FAR2: variants seen among roughly 807,000 people sequenced by gnomAD.
The protein encoded by FAR2 is fatty acyl-CoA reductase 2, also known as epididymis secretory protein Li 81.
Under a neutral mutation model 56.0 loss-of-function variants are expected in FAR2, and 19 were observed. That is an observed-to-expected ratio of 0.34 (90% confidence interval 0.24 to 0.50). The LOEUF is 0.50. Among genes scored for constraint, FAR2 ranks in the 20% least tolerant of loss-of-function variants. The probability of loss-of-function intolerance (pLI) is 0.98; values close to 1 mark genes in which losing one functional copy is unlikely to be tolerated. For synonymous variants in FAR2, 219 were observed against 218.8 expected (o/e 1.00, Z -0.01); for missense variants, 508 against 642.2 (o/e 0.79, Z 2.26).
chr12:29,200,562 G>GA (rs1244517128), intron 1 of FAR2, among the ~76,000 whole-genome samples: 1 of 152,158 alleles, frequency 6.6e-6, no homozygotes, highest in Non-Finnish European at 1.5e-5. Context: ...AGGCTGGTGG[G>GA]AAAAATATTA....
At chr12:29,210,549 C>A (rs1947533014) in intron 1 of FAR2, among the ~76,000 whole-genome samples, 1 of 152,192 alleles carries the variant, frequency 6.6e-6, no homozygotes, top group African/African-American at 2.4e-5. Context: ...GAGATTCTGG[C>A]AATAAGAATA....
intron 1 of FAR2, among the ~76,000 whole-genome samples, chr12:29,165,736 C>A (rs1340181604): frequency 6.6e-6 from 1 of 151,992 alleles, no homozygotes; most frequent in East Asian, 1.9e-4. Context: ...GCAGTTGTAC[C>A]AAATAGGTAA....
chr12:29,304,141 T>C (rs765623829), intron 4 of FAR2, among the ~76,000 whole-genome samples: 8 of 152,212 alleles, frequency 5.3e-5, no homozygotes, highest in Non-Finnish European at 1.0e-4. Context: ...CTTCCTGCTC[T>C]AAAAGATAAC....
chr12:29,228,638 A>C (rs1947806051), intron 1 of FAR2, among the ~76,000 whole-genome samples: 1 of 152,120 alleles, frequency 6.6e-6, no homozygotes, highest in Non-Finnish European at 1.5e-5. Context: ...GCCAGGTTGC[A>C]GTGCAGTGGC....
At chr12:29,211,383 G>A (rs1291010341) in intron 1 of FAR2, among the ~76,000 whole-genome samples, 1 of 152,166 alleles carries the variant, frequency 6.6e-6, no homozygotes, top group African/African-American at 2.4e-5. Context: ...CTCTTTCTAA[G>A]ACTTTAAAGA....
chr12:29,316,203 G>C (rs1427522853), intron 8 of FAR2, among the ~76,000 whole-genome samples: 1 of 151,528 alleles, frequency 6.6e-6, no homozygotes, highest in African/African-American at 2.4e-5. Context: ...AATATCTTTT[G>C]GAAACAACTA....
chr12:29,220,764 G>A (rs546536557), intron 1 of FAR2, among the ~76,000 whole-genome samples: 2 of 152,206 alleles, frequency 1.3e-5, no homozygotes, highest in South Asian at 4.1e-4. Flanking sequence ...AGGGACAAAA[G>A]GCACAGTGAG....
chr12:29,174,353 GA>G (rs1949915664), intron 1 of FAR2, among the ~76,000 whole-genome samples: 1 of 151,522 alleles, frequency 6.6e-6, no homozygotes, highest in African/African-American at 2.4e-5. Context: ...TGGAGTCCTG[GA>G]GTTTATACTA....
Position 29,270,579 on chromosome 12 carries a change from G to T in FAR2, c.130G>T (p.Val44Leu). 1.2e-6 allele frequency: 2 copies of T among 1,614,108 alleles called. No individual in the cohort carries two copies. The highest frequency in any genetic ancestry group is 1.3e-5 in the African/African-American group (1 of 75,048). ...SPDLKVIYIL[V>L]RPKAGQTLQQ... ...AGACCTGAAAGTCATTTACATCCTT[G>T]TGAGGCCCAAGGCTGGCCAGACACT... is the stretch of plus-strand genomic sequence containing the variant. The change falls in exon 2 of 12, where the codon GTG becomes TTG. Residue 44 changes from valine (V) to leucine (L), a missense_variant. By Grantham distance (32) the Val-to-Leu change is conservative. Coordinates refer to ENST00000536681, the MANE Select transcript of FAR2 (RefSeq NM_001271783.2).
intron 1 of FAR2, among the ~76,000 whole-genome samples, chr12:29,225,018 T>C (rs1257027005): frequency 6.6e-6 from 1 of 152,142 alleles, no homozygotes; most frequent in African/African-American, 2.4e-5. Flanking sequence ...GCCTCCAAAC[T>C]TGAGGCCACA....
chr12:29,233,518 G>C (rs892351401), intron 1 of FAR2, among the ~76,000 whole-genome samples: 7 of 152,082 alleles, frequency 4.6e-5, no homozygotes, highest in Admixed American at 3.9e-4. Context: ...GGGATAAATT[G>C]TACCATCTGT....
intron 1 of FAR2, among the ~76,000 whole-genome samples, chr12:29,223,459 T>C (rs1173627822): frequency 6.6e-6 from 1 of 152,224 alleles, no homozygotes; most frequent in African/African-American, 2.4e-5. Flanking sequence ...AGGTCATCAA[T>C]AATTTTTGTT....
intron 2 of FAR2, among the ~76,000 whole-genome samples, chr12:29,288,040 G>A (rs1211929073): frequency 6.6e-6 from 1 of 151,996 alleles, no homozygotes; most frequent in Non-Finnish European, 1.5e-5. Context: ...TTAAGAGTTT[G>A]CAGTTTCTCT....
chr12:29,230,214 TGGAAA>T (rs1419786643), intron 1 of FAR2, among the ~76,000 whole-genome samples: 1 of 151,808 alleles, frequency 6.6e-6, no homozygotes, highest in African/African-American at 2.4e-5. Flanking sequence ...TGTGAAGAAA[TGGAAA>T]GGATGAGCTA....
At chr12:29,230,451 A>G (rs1393496676) in intron 1 of FAR2, among the ~76,000 whole-genome samples, 1 of 151,932 alleles carries the variant, frequency 6.6e-6, no homozygotes, top group African/African-American at 2.4e-5. Flanking sequence ...GTGATAGGAA[A>G]TGCAATCAGA....
intron 2 of FAR2, chr12:29,280,332 T>C (rs1305906124): frequency 6.6e-6 from 1 of 152,254 alleles, no homozygotes; most frequent in East Asian, 1.9e-4. Context: ...AGTTTCACAC[T>C]CTTATCAAGG....
At chr12:29,255,724 A>G (rs1427347807) in intron 1 of FAR2, among the ~76,000 whole-genome samples, 2 of 152,042 alleles carry the variant, frequency 1.3e-5, no homozygotes, top group African/African-American at 2.4e-5. Flanking sequence ...TCCCAGGTAC[A>G]TGCGATTCTC....
chr12:29,174,402 A>G (rs1236601395), intron 1 of FAR2, among the ~76,000 whole-genome samples: 1 of 147,004 alleles, frequency 6.8e-6, no homozygotes, highest in Non-Finnish European at 1.5e-5. Flanking sequence ...AAAGCACCAG[A>G]GACAGGGAGT....
chr12:29,320,875 G>C (rs1047972632), intron 9 of FAR2, among the ~76,000 whole-genome samples: 1 of 152,076 alleles, frequency 6.6e-6, no homozygotes, highest in Non-Finnish European at 1.5e-5. Flanking sequence ...TTGTGTAATG[G>C]GACACAGGGT....
Sources: allele counts gnomAD v4.1 joint callset (sites outside exome capture counted in the v4.1 genomes callset), GRCh38; gene constraint gnomAD v4.1.1; transcripts MANE v1.5; gene names NCBI Gene and HGNC (gene_info 2026-07-23, HGNC 2026-07-21).